PPP1R12B: variants seen among roughly 807,000 people sequenced by gnomAD.
PPP1R12B encodes protein phosphatase 1 regulatory subunit 12B, also known as myosin phosphatase target subunit 2.
In PPP1R12B, 76 loss-of-function variants were observed where a neutral mutation model predicts 126.1. The ratio of observed to expected loss-of-function variants is 0.60; its 90% CI spans 0.50 to 0.73. PPP1R12B has a LOEUF of 0.73. Among genes scored for constraint, PPP1R12B ranks in the 30% least tolerant of loss-of-function variants. The probability of loss-of-function intolerance (pLI) is 0.00; values close to 1 mark genes in which losing one functional copy is unlikely to be tolerated. For missense variants in PPP1R12B, 1,052 were observed against 1,205.1 expected, an observed-to-expected ratio of 0.87 and a Z score of 1.88; for synonymous variants, 356 against 434.7, an observed-to-expected ratio of 0.82 and a Z score of 2.25.
intron 18 of PPP1R12B, chr1:202,540,259 T>C: frequency 1.3e-6 from 2 of 1,537,592 alleles, no homozygotes; most frequent in Non-Finnish European, 9.0e-7. Flanking sequence ...GCATTTTTTA[T>C]TTACGTATGT....
chr1:202,439,063 T>C lies in PPP1R12B; in HGVS notation c.1458+1039T>C, dbSNP rs943267806. 4 of 1,394,604 alleles carry C rather than the reference T, an allele frequency of 2.9e-6. No homozygotes were observed. In the African/African-American group the frequency reaches 5.7e-5, roughly 20 times the overall value. The allele number at this position is 1,394,604 out of a possible 1,614,324, so 86.4% of individuals were successfully genotyped here. A position where few individuals can be genotyped will look rare whatever the true frequency, so the allele number is the denominator to read the frequency against. On this transcript the variant is annotated intron_variant, in intron 10 of 23. Coordinates refer to ENST00000608999, the MANE Select transcript of PPP1R12B (RefSeq NM_002481.4). ...ACTTCATCCTGGCCGCCAACTCCTA[T>C]GACCTTGCCATCAAGACCATCACCT...
chr1:202,399,324 G>A lies in PPP1R12B; in HGVS notation c.292-17463G>A, dbSNP rs10920402. ...CAGCCTCATTTTCCTGGGCCTAAGC[G>A]ATCCCCCTGCCTTAGCCTCCTATGT... On this transcript the variant is annotated intron_variant, in intron 1 of 23. Coordinates refer to ENST00000608999, the MANE Select transcript of PPP1R12B (RefSeq NM_002481.4). 8.0e-3 allele frequency among the ~76,000 whole-genome samples: 1,219 copies of A among 152,138 alleles called. 53 individuals are homozygous for A. Among genetic ancestry groups the A allele is most frequent in the East Asian group, 0.064 (334 of 5,188 alleles).
rs145617933 is a variant in PPP1R12B, at chr1:202,369,024, C to T, written c.291+19882C>T. ...TGAGCCACTATGCCCAGCCAAGGAACCATTTTAGACACAGAGAATTCTAAT... is the reference window on the plus strand; with the variant it reads ...TGAGCCACTATGCCCAGCCAAGGAATCATTTTAGACACAGAGAATTCTAAT... On this transcript the variant is annotated intron_variant, in intron 1 of 23. Transcript: ENST00000608999. 6.9e-3 allele frequency among the ~76,000 whole-genome samples: 1,048 copies of T among 152,292 alleles called. 4 individuals carry two copies. Among genetic ancestry groups the T allele is most frequent in the Non-Finnish European group, 0.011 (750 of 68,024 alleles).
intron 12 of PPP1R12B, among the ~76,000 whole-genome samples, chr1:202,446,559 G>A (rs1384815245): frequency 3.4e-5 from 5 of 147,734 alleles, no homozygotes; most frequent in East Asian, 2.0e-4. Flanking sequence ...GCACCCGGCC[G>A]TATTACTATA....
At chr1:202,410,476 C>T (rs1667244581) in intron 1 of PPP1R12B, among the ~76,000 whole-genome samples, 1 of 152,210 alleles carries the variant, frequency 6.6e-6, no homozygotes, top group African/African-American at 2.4e-5. Flanking sequence ...GACACAACAG[C>T]AAGGTCAGCT....
rs776688844 is a variant in PPP1R12B, at chr1:202,434,639, CTT to C, written c.1142-16_1142-15del. 1.5e-5 allele frequency: 24 copies of C among 1,600,754 alleles called. No homozygotes were observed. In the East Asian group the frequency reaches 2.2e-4, roughly 15 times the overall value. On this transcript the variant is annotated splice_polypyrimidine_tract_variant and intron_variant, in intron 8 of 23. Coordinates refer to ENST00000608999, the MANE Select transcript of PPP1R12B (RefSeq NM_002481.4). ...TTTTATACTAGTACTTGTTAATTCT[CTT>C]GTCTTAAATAACAGATAAAAAGCCA...
chr1:202,526,649 G>T (rs1363700732), intron 18 of PPP1R12B, among the ~76,000 whole-genome samples: 1 of 152,166 alleles, frequency 6.6e-6, no homozygotes, highest in Non-Finnish European at 1.5e-5. Context: ...ATGAGAGACA[G>T]TGGAGATTTC....
intron 4 of PPP1R12B, among the ~76,000 whole-genome samples, chr1:202,426,766 A>G (rs1328174445): frequency 6.6e-6 from 1 of 152,208 alleles, no homozygotes; most frequent in African/African-American, 2.4e-5. Flanking sequence ...AATCTTAGGT[A>G]CATACGTTTC....
chr1:202,362,840 T>G (rs1259594788), intron 1 of PPP1R12B, among the ~76,000 whole-genome samples: 1 of 152,158 alleles, frequency 6.6e-6, no homozygotes, highest in African/African-American at 2.4e-5. Context: ...ATTTATTTAT[T>G]TATTTATGTT....
chr1:202,424,305 T>C (rs193104495), intron 3 of PPP1R12B, among the ~76,000 whole-genome samples: 5 of 151,758 alleles, frequency 3.3e-5, no homozygotes, highest in African/African-American at 1.2e-4. Context: ...AGATAATACT[T>C]AGGTAGTTGA....
chr1:202,518,688 C>T (rs531301364), intron 18 of PPP1R12B, among the ~76,000 whole-genome samples: 1 of 152,232 alleles, frequency 6.6e-6, no homozygotes, highest in South Asian at 2.1e-4. Context: ...TTTTTTTCTG[C>T]TTTTCTTTAT....
At chr1:202,472,067 C>A (rs1344588060) in intron 13 of PPP1R12B, 36 of 1,592,480 alleles carry the variant, frequency 2.3e-5, no homozygotes, top group Non-Finnish European at 2.9e-5. Flanking sequence ...TCTTGTGTTT[C>A]CTCTTCTCCT....
chr1:202,360,530 G>A (rs1206843948), intron 1 of PPP1R12B, among the ~76,000 whole-genome samples: 3 of 152,146 alleles, frequency 2.0e-5, no homozygotes, highest in East Asian at 3.9e-4. Flanking sequence ...CAAACATGGT[G>A]AAACCCTGTT....
At chr1:202,367,577 C>A (rs1245902829) in intron 1 of PPP1R12B, among the ~76,000 whole-genome samples, 2 of 152,190 alleles carry the variant, frequency 1.3e-5, no homozygotes, top group South Asian at 4.1e-4. Flanking sequence ...AAGGGCCTCA[C>A]ATCTGTTTTT....
At chr1:202,386,896 A>G (rs1663234909) in intron 1 of PPP1R12B, among the ~76,000 whole-genome samples, 1 of 152,220 alleles carries the variant, frequency 6.6e-6, no homozygotes, top group African/African-American at 2.4e-5. Context: ...ATGGAATTAC[A>G]CAACTTTTCA....
At chr1:202,469,046 G>A (rs1675480535) in intron 13 of PPP1R12B, among the ~76,000 whole-genome samples, 1 of 152,122 alleles carries the variant, frequency 6.6e-6, no homozygotes, top group Non-Finnish European at 1.5e-5. Context: ...AAATATGTAG[G>A]GAATTAGGGT....
At chr1:202,551,450 G>A (rs1162440327) in intron 18 of PPP1R12B, among the ~76,000 whole-genome samples, 1 of 152,060 alleles carries the variant, frequency 6.6e-6, no homozygotes, top group Non-Finnish European at 1.5e-5. Context: ...GATTCTGAAT[G>A]TATGTAATCA....
Position 202,583,346 on chromosome 1 carries a change from T to C in PPP1R12B, c.*2786T>C, listed in dbSNP as rs981419511. 6.6e-6 allele frequency: 1 copy of C among 152,180 alleles called. No homozygotes were observed. The highest frequency in any genetic ancestry group is 6.5e-5 in the Admixed American group (1 of 15,280). 9.4% of individuals were successfully genotyped at this position (152,180 alleles called of 1,614,324 possible). On this transcript the variant is annotated 3_prime_UTR_variant, in exon 24 of 24. Transcript: ENST00000608999. ...CAGATTCTCAAAACTCTTAGATTGG[T>C]GTTGCATCCCTGCCACTTCACATGA...
intron 13 of PPP1R12B, among the ~76,000 whole-genome samples, chr1:202,461,765 C>G (rs1674333458): frequency 6.6e-6 from 1 of 152,062 alleles, no homozygotes; most frequent in Admixed American, 6.6e-5. Context: ...ATTGTGGTGA[C>G]AAAGTAAGTG....
Sources: allele counts gnomAD v4.1 joint callset (sites outside exome capture counted in the v4.1 genomes callset), GRCh38; gene constraint gnomAD v4.1.1; transcripts MANE v1.5; gene names NCBI Gene and HGNC (gene_info 2026-07-23, HGNC 2026-07-21).